PREX2: variants seen among roughly 807,000 people sequenced by gnomAD.
PREX2 encodes the protein phosphatidylinositol-3,4,5-trisphosphate dependent Rac exchange factor 2, also known as phosphatidylinositol 3,4,5-trisphosphate-dependent Rac exchanger 2 protein.
Under a neutral mutation model 203.2 loss-of-function variants are expected in PREX2, and 107 were observed. The observed-to-expected ratio is 0.53, with a 90% CI of 0.45 to 0.62. The LOEUF (loss-of-function observed/expected upper bound fraction) is 0.62, where lower values mean the gene tolerates loss of function less well. PREX2 is among the 20% of genes least tolerant of loss of function. The pLI is 0.00. For synonymous variants in PREX2, 672 were observed against 663.6 expected (o/e 1.01, Z -0.19); for missense variants, 1,777 against 1,955.9 (o/e 0.91, Z 1.72).
chr8:68,073,024 G>A (rs1809245044), intron 14 of PREX2, among the ~76,000 whole-genome samples: 1 of 151,730 alleles, frequency 6.6e-6, no homozygotes. Flanking sequence ...AAAAAGAAAG[G>A]AATTTATTGT....
intron 37 of PREX2, among the ~76,000 whole-genome samples, chr8:68,194,363 A>C (rs1392079050): frequency 6.6e-6 from 1 of 152,220 alleles, no homozygotes; most frequent in Non-Finnish European, 1.5e-5. Flanking sequence ...AACAGAATTC[A>C]AAGGAATAAA....
At chr8:68,154,269 G>A (rs1365937928) in intron 34 of PREX2, among the ~76,000 whole-genome samples, 1 of 152,192 alleles carries the variant, frequency 6.6e-6, no homozygotes, top group African/African-American at 2.4e-5. Context: ...ACAGCATTTG[G>A]CATGTTGCCT....
intron 1 of PREX2, among the ~76,000 whole-genome samples, chr8:67,999,679 G>T (rs10156262): frequency 1.3e-5 from 2 of 151,832 alleles, no homozygotes; most frequent in Non-Finnish European, 2.9e-5. Flanking sequence ...AACTTCAGGC[G>T]CATATTCTTG....
chr8:68,210,798 C>T (rs536549232), intron 37 of PREX2, among the ~76,000 whole-genome samples: 6 of 152,104 alleles, frequency 3.9e-5, no homozygotes, highest in South Asian at 4.2e-4. Context: ...GTAGGAGGCC[C>T]GTAGTTTTCG....
chr8:68,087,887 A>G, intron 19 of PREX2, 78 bp downstream of exon 19: 1 of 906,978 alleles, frequency 1.1e-6, no homozygotes, highest in East Asian at 2.4e-5. Flanking sequence ...TGTGTTTAAA[A>G]TAGGCAGAAC....
At chr8:67,956,544 A>G (rs1805497567) in intron 1 of PREX2, among the ~76,000 whole-genome samples, 1 of 152,252 alleles carries the variant, frequency 6.6e-6, no homozygotes, top group Non-Finnish European at 1.5e-5. Flanking sequence ...TACCTTTAAT[A>G]GCATTCCCCC....
Position 68,232,914 on chromosome 8 carries a change from G to A in PREX2, c.*1536G>A, listed in dbSNP as rs928971043. 1 of 152,032 alleles carries A rather than the reference G, an allele frequency of 6.6e-6. No individual in the cohort carries two copies. Among genetic ancestry groups the A allele is most frequent in the African/African-American group, 2.4e-5 (1 of 41,386 alleles). 9.4% of individuals were successfully genotyped at this position (152,032 alleles called of 1,614,324 possible). On this transcript the variant is annotated 3_prime_UTR_variant, in exon 40 of 40. Coordinates refer to ENST00000288368, the MANE Select transcript of PREX2 (RefSeq NM_024870.4). ...ATTACAGGCGTGAGCCGCTGCTCCC[G>A]GCCCATTATTAAATTTTAATTTATG...
intron 35 of PREX2, among the ~76,000 whole-genome samples, chr8:68,189,818 A>G (rs1812258015): frequency 6.6e-6 from 1 of 152,202 alleles, no homozygotes; most frequent in Non-Finnish European, 1.5e-5. Flanking sequence ...AGTTATAATG[A>G]GTAACAGCCA....
intron 1 of PREX2, among the ~76,000 whole-genome samples, chr8:67,987,132 GAC>G: frequency 7.9e-6 from 1 of 126,394 alleles, no homozygotes; most frequent in South Asian, 2.6e-4. Context: ...CAGCCTGGGC[GAC>G]AGAGTGAGAC....
intron 37 of PREX2, among the ~76,000 whole-genome samples, chr8:68,215,673 TACAG>T (rs554095267): frequency 6.6e-6 from 1 of 151,430 alleles, no homozygotes; most frequent in Non-Finnish European, 1.5e-5. Flanking sequence ...TAGCTGGGAC[TACAG>T]GCACCCACCA....
At chr8:68,083,166 T>C in intron 17 of PREX2, 74 bp from the exon 18 acceptor site, 1 of 1,092,304 alleles carries the variant, frequency 9.2e-7, no homozygotes, top group South Asian at 1.7e-5. Flanking sequence ...ACTTTTCATA[T>C]TCCAATTTTG....
intron 23 of PREX2, chr8:68,105,371 C>T (rs954968309): frequency 1.5e-6 from 2 of 1,362,242 alleles, no homozygotes; most frequent in Non-Finnish European, 2.0e-6. Flanking sequence ...GATTCTTACC[C>T]TTTGGAACAG....
chr8:68,057,537 A>C (rs16934062), intron 10 of PREX2, among the ~76,000 whole-genome samples: 1,934 of 152,266 alleles, frequency 0.013, 41 homozygotes, highest in African/African-American at 0.044. Context: ...CACATCTGCC[A>C]GTGAGCTATA....
intron 20 of PREX2, among the ~76,000 whole-genome samples, chr8:68,092,896 C>T (rs1042845681): frequency 1.3e-5 from 2 of 152,150 alleles, no homozygotes; most frequent in African/African-American, 4.8e-5. Context: ...TCAAGCGATC[C>T]TCCCACCTCA....
chr8:67,952,562 G>T (rs774870269), intron 1 of PREX2, 27 bp downstream of exon 1: 2 of 1,601,160 alleles, frequency 1.2e-6, no homozygotes, highest in African/African-American at 1.3e-5. Flanking sequence ...GACGCAGGGG[G>T]ACGTCCGGGC....
chr8:68,044,547 C>G lies in PREX2; in HGVS notation c.900C>G (p.Ile300Met). 6.2e-7 allele frequency: 1 copy of G among 1,613,122 alleles called. No individual in the cohort carries two copies. The highest frequency in any genetic ancestry group is 8.5e-7 in the Non-Finnish European group (1 of 1,179,342). The change falls in exon 8 of 40, where the codon ATC (isoleucine) becomes ATG (methionine). Residue 300 changes from isoleucine to methionine, a missense_variant. Ile to Met is a conservative substitution (Grantham distance 10, BLOSUM62 1). Coordinates refer to ENST00000288368, the MANE Select transcript of PREX2 (RefSeq NM_024870.4). ...ATCGGTACCTTTTTCGTGGCCGGAT[C>G]AACACGGAGGTGATGGAAGTGGAGA... The part of the protein sequence containing the change: ...DGHRYLFRGR[I>M]NTEVMEVENV...
At chr8:68,199,278 G>C (rs1812458185) in intron 37 of PREX2, among the ~76,000 whole-genome samples, 1 of 152,234 alleles carries the variant, frequency 6.6e-6, no homozygotes, top group Non-Finnish European at 1.5e-5. Flanking sequence ...CATCAAGCTA[G>C]CTACTGTCCA....
chr8:68,069,915 T>A, intron 13 of PREX2, 31 bp downstream of exon 13: 1 of 1,281,732 alleles, frequency 7.8e-7, no homozygotes, highest in Non-Finnish European at 1.1e-6. Flanking sequence ...CTGGGAAACT[T>A]AAATGGAAAT....
chr8:68,198,275 G>T (rs1226731850), intron 37 of PREX2, among the ~76,000 whole-genome samples: 1 of 152,112 alleles, frequency 6.6e-6, no homozygotes, highest in Non-Finnish European at 1.5e-5. Flanking sequence ...ACAAATAAAA[G>T]TATTTAATAT....
Sources: gnomAD v4.1 joint callset for allele counts (sites outside exome capture counted in the v4.1 genomes callset) on GRCh38, gnomAD v4.1.1 for gene constraint, MANE v1.5 for transcripts, NCBI Gene and HGNC (gene_info 2026-07-23, HGNC 2026-07-21) for gene names.